The following AP3B1 variants were observed in gnomAD, a reference collection of about 807,000 sequenced individuals.
The protein encoded by AP3B1 is AP-3 complex subunit beta-1.
Under a neutral mutation model 132.5 loss-of-function variants are expected in AP3B1, and 61 were observed. The ratio of observed to expected loss-of-function variants is 0.46; its 90% CI spans 0.37 to 0.57. The LOEUF is 0.57. AP3B1 is among the 20% of genes least tolerant of loss of function. AP3B1 has a pLI of 0.00. For missense variants in AP3B1, 1,120 were observed against 1,289.4 expected, an observed-to-expected ratio of 0.87 and a Z score of 2.01; for synonymous variants, 388 against 438.3, an observed-to-expected ratio of 0.89 and a Z score of 1.43.
chr5:78,156,809 T>G (rs1253865148), intron 13 of AP3B1, among the ~76,000 whole-genome samples: 1 of 152,082 alleles, frequency 6.6e-6, no homozygotes, highest in Non-Finnish European at 1.5e-5. Context: ...AAAAAAAAAT[T>G]TTTCCTTAAG....
intron 18 of AP3B1, among the ~76,000 whole-genome samples, chr5:78,115,384 C>G (rs1300204875): frequency 6.6e-6 from 1 of 152,132 alleles, no homozygotes; most frequent in Non-Finnish European, 1.5e-5. Flanking sequence ...GTCGTTTGGT[C>G]TTGGGTCAGA....
At chr5:78,069,895 A>T (rs1561386172) in intron 22 of AP3B1, among the ~76,000 whole-genome samples, 3 of 152,212 alleles carry the variant, frequency 2.0e-5, no homozygotes, top group Admixed American at 1.3e-4. Context: ...ACTGGTACAA[A>T]AACAGACACA....
intron 12 of AP3B1, 56 bp from the exon 13 acceptor site, chr5:78,163,007 C>G: frequency 6.5e-7 from 1 of 1,530,028 alleles, no homozygotes; most frequent in African/African-American, 1.4e-5. Flanking sequence ...TTAACCAAAA[C>G]TCCGATTATA....
chr5:78,125,100 TA>T (rs1276052368), intron 17 of AP3B1, among the ~76,000 whole-genome samples: 4 of 152,188 alleles, frequency 2.6e-5, no homozygotes, highest in Non-Finnish European at 5.9e-5. Context: ...AAAGTTTCTG[TA>T]AAGGATAAAA....
chr5:78,099,786 G>C (rs1751053507), intron 21 of AP3B1, among the ~76,000 whole-genome samples: 1 of 151,834 alleles, frequency 6.6e-6, no homozygotes, highest in Non-Finnish European at 1.5e-5. Flanking sequence ...CTACTCAGGA[G>C]GCTGAGGCAG....
At chr5:78,249,254 C>T (rs1279577902) in intron 2 of AP3B1, among the ~76,000 whole-genome samples, 1 of 152,122 alleles carries the variant, frequency 6.6e-6, no homozygotes, top group South Asian at 2.1e-4. Context: ...GTAATCCCAG[C>T]TACTCAGGAG....
At chr5:78,215,803 C>T (rs183471824) in intron 7 of AP3B1, among the ~76,000 whole-genome samples, 154 of 152,268 alleles carry the variant, frequency 1.0e-3, no homozygotes, top group Non-Finnish European at 1.7e-3. Context: ...CTAACAAGGG[C>T]CTCTTGCCAG....
chr5:78,184,635 C>T (rs541102078), intron 7 of AP3B1, among the ~76,000 whole-genome samples: 1 of 150,156 alleles, frequency 6.7e-6, no homozygotes, highest in African/African-American at 2.5e-5. Flanking sequence ...TTGCAGTAAG[C>T]CGAGATTGGC....
chr5:78,255,725 A>C (rs1483984151), intron 2 of AP3B1, among the ~76,000 whole-genome samples: 1 of 152,126 alleles, frequency 6.6e-6, no homozygotes, highest in Admixed American at 6.5e-5. Flanking sequence ...CTTAATCTGC[A>C]CTATAGACAA....
At chr5:78,282,260 T>C (rs981314602) in intron 1 of AP3B1, among the ~76,000 whole-genome samples, 4 of 152,112 alleles carry the variant, frequency 2.6e-5, no homozygotes, top group Non-Finnish European at 5.9e-5. Context: ...CCTCCTCTTT[T>C]TATTTCTGTT....
At chr5:78,018,370 GAAAA>G (rs1328363441) in intron 25 of AP3B1, among the ~76,000 whole-genome samples, 2 of 151,682 alleles carry the variant, frequency 1.3e-5, no homozygotes, top group African/African-American at 4.8e-5. Context: ...ACACAACTGA[GAAAA>G]AGTGATAGAT....
chr5:78,116,107 A>G lies in AP3B1; in HGVS notation c.2077+19T>C, dbSNP rs1380180154. 1.3e-6 allele frequency: 2 copies of G among 1,530,542 alleles called. No individual in the cohort carries two copies. Among genetic ancestry groups the G allele is most frequent in the Non-Finnish European group, 1.8e-6 (2 of 1,104,050 alleles). The allele number at this position is 1,530,542 out of a possible 1,614,324, so 94.8% of individuals were successfully genotyped here. ...ATCTACTATGTAAATAATATATGCC[A>G]ATAAATTATAAAACCCACCACTGTC... On this transcript the variant is annotated intron_variant, in intron 18 of 26. Transcript: ENST00000255194.
In AP3B1 at chr5:78,233,853, C is replaced by G. The variant is rs564016827; in HGVS notation, c.280-5614G>C. On this transcript the variant is annotated intron_variant, in intron 3 of 26. Transcript: ENST00000255194. The stretch of plus-strand genomic sequence containing the variant: ...GATGCAAACAGGGGCATGTTCCTAA[C>G]TACTACATGTTGTGGCCTATGATGG... Among the ~76,000 whole-genome samples, 13 of 152,244 alleles carry G rather than the reference C, an allele frequency of 8.5e-5. No homozygotes were observed. The South Asian group carries it at 2.7e-3, about 32-fold the overall frequency.
chr5:78,138,394 G>T (rs564512532), intron 15 of AP3B1, among the ~76,000 whole-genome samples: 1 of 152,190 alleles, frequency 6.6e-6, no homozygotes, highest in Non-Finnish European at 1.5e-5. Context: ...TTGAACACGG[G>T]AGGCAGAGGT....
chr5:78,221,047 T>C (rs974510943), intron 6 of AP3B1, among the ~76,000 whole-genome samples: 11 of 152,144 alleles, frequency 7.2e-5, no homozygotes, highest in Non-Finnish European at 1.5e-4. Flanking sequence ...AAGACCCTTC[T>C]TTTTTAGGCA....
intron 8 of AP3B1, among the ~76,000 whole-genome samples, chr5:78,178,695 C>T (rs935825129): frequency 2.6e-5 from 4 of 152,074 alleles, no homozygotes; most frequent in African/African-American, 9.7e-5. Context: ...CCCCTAAGTG[C>T]CTCTACACTC....
At chr5:78,169,738 T>TTTAC (rs906477421) in intron 11 of AP3B1, among the ~76,000 whole-genome samples, 1 of 141,564 alleles carries the variant, frequency 7.1e-6, no homozygotes, top group Non-Finnish European at 1.5e-5. Context: ...CTGAAGTTTA[T>TTTAC]TTATTTATTT....
intron 19 of AP3B1, among the ~76,000 whole-genome samples, chr5:78,113,194 C>CA (rs1325468082): frequency 1.3e-5 from 2 of 152,336 alleles, no homozygotes; most frequent in East Asian, 3.9e-4. Context: ...GCGGGGAAAA[C>CA]AGAGTTGCAC....
chr5:78,058,262 G>A (rs764660124), intron 22 of AP3B1, among the ~76,000 whole-genome samples: 19 of 152,152 alleles, frequency 1.2e-4, no homozygotes, highest in Non-Finnish European at 2.6e-4. Context: ...AGCACTTTGG[G>A]AGGCCGAGGT....
Sources: gnomAD v4.1 joint callset for allele counts (sites outside exome capture counted in the v4.1 genomes callset) on GRCh38, gnomAD v4.1.1 for gene constraint, MANE v1.5 for transcripts, NCBI Gene and HGNC (gene_info 2026-07-23, HGNC 2026-07-21) for gene names.